The following USH2A variants were observed in gnomAD, a reference collection of about 807,000 sequenced individuals.
USH2A encodes usherin.
USH2A carries 443 observed loss-of-function variants against 538.9 expected under a neutral mutation model. The ratio of observed to expected loss-of-function variants is 0.82; its 90% CI spans 0.76 to 0.89. The LOEUF is 0.89. Among genes scored for constraint, USH2A ranks in the 40% least tolerant of loss-of-function variants. The probability of loss-of-function intolerance (pLI) is 0.00; values close to 1 mark genes in which losing one functional copy is unlikely to be tolerated. For missense variants in USH2A, 6,633 were observed against 6,324.8 expected (o/e 1.05, Z -1.65); for synonymous variants, 2,413 against 2,273.5 (o/e 1.06, Z -1.75).
intron 31 of USH2A, 81 bp downstream of exon 31, chr1:216,048,453 G>T (rs1279197466): frequency 1.7e-5 from 24 of 1,389,380 alleles, no homozygotes; most frequent in Middle Eastern, 3.6e-4. Context: ...GCCAGCAAAT[G>T]GCCTTGTAGC....
chr1:215,632,472 T>G (rs1363584751), intron 70 of USH2A, among the ~76,000 whole-genome samples: 1 of 152,172 alleles, frequency 6.6e-6, no homozygotes, highest in African/African-American at 2.4e-5. Flanking sequence ...GAAGACAGTG[T>G]TCTTCCTCAT....
chr1:215,912,479 A>ATATATATATATATG (rs1665821625), intron 38 of USH2A, among the ~76,000 whole-genome samples: 19 of 31,764 alleles, frequency 6.0e-4, no homozygotes, highest in African/African-American at 1.1e-3. Flanking sequence ...ATATATACGT[A>ATATATATATATATG]TATATATATA....
At chr1:216,211,723 T>C (rs1326072083) in intron 15 of USH2A, among the ~76,000 whole-genome samples, 2 of 152,240 alleles carry the variant, frequency 1.3e-5, no homozygotes, top group Admixed American at 6.5e-5. Context: ...AACAATCTCA[T>C]AATGACACAT....
chr1:215,902,858 G>A (rs1027475471), intron 38 of USH2A, among the ~76,000 whole-genome samples: 14 of 152,252 alleles, frequency 9.2e-5, no homozygotes, highest in African/African-American at 3.4e-4. Context: ...CACGGACTAA[G>A]GAGGAGAGGG....
intron 40 of USH2A, among the ~76,000 whole-genome samples, chr1:215,889,680 A>G (rs769352225): frequency 6.6e-6 from 1 of 152,152 alleles, no homozygotes; most frequent in African/African-American, 2.4e-5. Flanking sequence ...TCTGACCTTT[A>G]GGTTAACAGG....
chr1:216,356,458 C>G (rs1292942644), intron 4 of USH2A, among the ~76,000 whole-genome samples: 2 of 151,970 alleles, frequency 1.3e-5, no homozygotes, highest in Non-Finnish European at 2.9e-5. Context: ...TATTTGCAAT[C>G]CCACTCATAG....
chr1:216,112,710 T>C (rs1162743854), intron 21 of USH2A, among the ~76,000 whole-genome samples: 1 of 152,142 alleles, frequency 6.6e-6, no homozygotes, highest in Non-Finnish European at 1.5e-5. Context: ...ATGTGCAGTA[T>C]TTAGATTTCT....
chr1:215,640,817 A>C, intron 67 of USH2A, 83 bp from the exon 68 acceptor site: 2 of 1,320,884 alleles, frequency 1.5e-6, no homozygotes, highest in Non-Finnish European at 2.1e-6. Context: ...AAAAAATATG[A>C]GCAAAATCAA....
intron 30 of USH2A, among the ~76,000 whole-genome samples, chr1:216,066,910 G>T (rs552924964): frequency 3.3e-5 from 5 of 152,164 alleles, no homozygotes; most frequent in Non-Finnish European, 7.3e-5. Context: ...TGACTTCAAA[G>T]TTCAAGACTA....
chr1:216,284,216 G>A (rs80048045), intron 11 of USH2A, among the ~76,000 whole-genome samples: 143 of 151,980 alleles, frequency 9.4e-4, no homozygotes, highest in African/African-American at 2.9e-3. Context: ...ATATGTGTTC[G>A]CTGTGTCCCC....
At chr1:215,815,834 G>A (rs1014593114) in intron 48 of USH2A, among the ~76,000 whole-genome samples, 1 of 151,882 alleles carries the variant, frequency 6.6e-6, no homozygotes, top group Non-Finnish European at 1.5e-5. Flanking sequence ...AAAGTTATAG[G>A]GTTGAAACTT....
chr1:216,289,023 C>G (rs1202886842), intron 11 of USH2A, among the ~76,000 whole-genome samples: 1 of 152,072 alleles, frequency 6.6e-6, no homozygotes, highest in African/African-American at 2.4e-5. Flanking sequence ...TTACTTAGAA[C>G]CCCTACCCTT....
intron 4 of USH2A, among the ~76,000 whole-genome samples, chr1:216,340,000 G>A (rs1354782570): frequency 1.3e-5 from 2 of 151,892 alleles, no homozygotes; most frequent in Admixed American, 1.3e-4. Context: ...CAGAACTGAA[G>A]GAGAGAGAGA....
chr1:216,014,881 A>G (rs1446460897), intron 32 of USH2A, among the ~76,000 whole-genome samples: 4 of 152,202 alleles, frequency 2.6e-5, no homozygotes, highest in Non-Finnish European at 2.9e-5. Flanking sequence ...ATTGATCTCA[A>G]TTTACAAAAT....
At chr1:215,895,797 C>T (rs187334531) in intron 40 of USH2A, among the ~76,000 whole-genome samples, 87 of 152,266 alleles carry the variant, frequency 5.7e-4, no homozygotes, top group Admixed American at 8.5e-4. Context: ...CACCATTAGG[C>T]GATTTCATTG....
intron 61 of USH2A, among the ~76,000 whole-genome samples, chr1:215,715,926 AT>A (rs1430132131): frequency 6.6e-6 from 1 of 152,210 alleles, no homozygotes; most frequent in Non-Finnish European, 1.5e-5. Context: ...AATTTGTGTA[AT>A]AACCTTAATT....
intron 21 of USH2A, among the ~76,000 whole-genome samples, chr1:216,145,138 CCTCT>C (rs1197373370): frequency 2.0e-5 from 3 of 152,292 alleles, no homozygotes; most frequent in African/African-American, 7.2e-5. Context: ...CAACAATACA[CCTCT>C]CTCTGTCTCT....
At chr1:216,256,604 A>G (rs2036265016) in intron 11 of USH2A, among the ~76,000 whole-genome samples, 1 of 151,910 alleles carries the variant, frequency 6.6e-6, no homozygotes, top group Non-Finnish European at 1.5e-5. Flanking sequence ...CACAAGACCA[A>G]TCTCTCCTCT....
chr1:215,840,395 G>T (rs536254407), intron 46 of USH2A, among the ~76,000 whole-genome samples: 1 of 152,040 alleles, frequency 6.6e-6, no homozygotes, highest in South Asian at 2.1e-4. Context: ...GCTATATCAA[G>T]TACAGTATTC....
Sources: allele counts gnomAD v4.1 joint callset (sites outside exome capture counted in the v4.1 genomes callset), GRCh38; gene constraint gnomAD v4.1.1; transcripts MANE v1.5; gene names NCBI Gene and HGNC (gene_info 2026-07-23, HGNC 2026-07-21).